The following NSL1 variants were observed in gnomAD, a reference collection of about 807,000 sequenced individuals.
NSL1 encodes the protein NSL1 component of MIS12 kinetochore complex, also known as kinetochore-associated protein NSL1 homolog.
Under a neutral mutation model 25.4 loss-of-function variants are expected in NSL1, and 11 were observed. That is an observed-to-expected ratio of 0.43 (90% CI 0.27 to 0.72). The LOEUF (loss-of-function observed/expected upper bound fraction) is 0.72, where lower values mean the gene tolerates loss of function less well. Ranked by LOEUF, NSL1 falls within the 30% of genes least tolerant of loss-of-function variation. NSL1 has a pLI of 0.19. For synonymous variants in NSL1, 118 were observed against 120.6 expected (o/e 0.98, Z 0.14); for missense variants, 330 against 342.7 (o/e 0.96, Z 0.29).
rs146188335 is a variant in NSL1 at position 212,746,874 on chromosome 1, G to A, written c.500-7273C>T. On this transcript the variant is annotated intron_variant, in intron 4 of 5. Transcript: ENST00000366977. ...CAAGATGGCCCCTGTGGCCAGGTGC[G>A]GTGGCCCAGGCCTGTAATCCCAACA... Among the ~76,000 whole-genome samples the A allele has an allele frequency of 1.3e-3, 194 of 152,196 alleles. No homozygotes were observed. In the Middle Eastern group the frequency reaches 0.014, roughly 11 times the overall value.
intron 4 of NSL1, among the ~76,000 whole-genome samples, chr1:212,778,803 C>A (rs1404534160): frequency 6.6e-6 from 1 of 152,110 alleles, no homozygotes; most frequent in African/African-American, 2.4e-5. Flanking sequence ...GAGATTGCAG[C>A]CTCTGCCCGG....
At chr1:212,761,458 G>A (rs994640600) in intron 4 of NSL1, among the ~76,000 whole-genome samples, 2 of 152,060 alleles carry the variant, frequency 1.3e-5, no homozygotes, top group Admixed American at 6.6e-5. Flanking sequence ...TTAGCAACAC[G>A]GCAAAACCTT....
chr1:212,750,894 T>C (rs748320455), intron 4 of NSL1, among the ~76,000 whole-genome samples: 3 of 152,040 alleles, frequency 2.0e-5, no homozygotes, highest in Non-Finnish European at 4.4e-5. Context: ...TGAGCCGAGA[T>C]AGCGCCACTG....
At chr1:212,779,161 C>A (rs1660542997) in intron 4 of NSL1, among the ~76,000 whole-genome samples, 1 of 151,786 alleles carries the variant, frequency 6.6e-6, no homozygotes, top group African/African-American at 2.4e-5. Context: ...AGCCCCTCCG[C>A]CCGGCAACCA....
chr1:212,769,796 T>C (rs1351735494), intron 4 of NSL1, among the ~76,000 whole-genome samples: 3 of 152,004 alleles, frequency 2.0e-5, no homozygotes, highest in Admixed American at 2.0e-4. Flanking sequence ...ACAAAGGATA[T>C]ATAAAACAAC....
intron 4 of NSL1, among the ~76,000 whole-genome samples, chr1:212,765,702 A>C (rs1309578955): frequency 6.6e-6 from 1 of 152,096 alleles, no homozygotes; most frequent in East Asian, 1.9e-4. Context: ...GCTACTCAGA[A>C]GGCTGAGGCA....
At chr1:212,747,905 C>T (rs1658882207) in intron 4 of NSL1, among the ~76,000 whole-genome samples, 3 of 152,138 alleles carry the variant, frequency 2.0e-5, no homozygotes, top group African/African-American at 7.2e-5. Flanking sequence ...GCTGGGACTA[C>T]AGGCATGTGC....
chr1:212,745,789 C>T (rs1187899187), intron 4 of NSL1, among the ~76,000 whole-genome samples: 1 of 149,900 alleles, frequency 6.7e-6, no homozygotes, highest in Admixed American at 6.6e-5. Context: ...ATGGCGAAAC[C>T]CCATGCCTAC....
chr1:212,731,203 G>A lies in NSL1; in HGVS notation c.*7205C>T, dbSNP rs1228388971. ...AGAGGGGAGAAAAAAAAAAAAACCT[G>A]AAGAAACCAAAACTAGAATTATCAG... On this transcript the variant is annotated 3_prime_UTR_variant, in exon 6 of 6. Coordinates refer to ENST00000366977, the MANE Select transcript of NSL1 (RefSeq NM_015471.4). The A allele has an allele frequency of 5.1e-6, 5 of 975,428 alleles. No individual in the cohort carries two copies. Among genetic ancestry groups the A allele is most frequent in the Non-Finnish European group, 6.1e-6 (5 of 823,116 alleles). 60.4% of individuals were successfully genotyped at this position (975,428 alleles called of 1,614,324 possible).
rs140675222 is a variant in NSL1, at chr1:212,733,433, C to CAAAAAAAAA, written c.*4966_*4974dup. Among the ~76,000 whole-genome samples, 5 of 135,900 alleles carry CAAAAAAAAA rather than the reference C, an allele frequency of 3.7e-5. No individual in the cohort carries two copies. Among genetic ancestry groups the CAAAAAAAAA allele is most frequent in the African/African-American group, 1.3e-4 (5 of 37,216 alleles). The allele number at this position is 135,900 out of a possible 152,430, so 89.2% of individuals were successfully genotyped here. On this transcript the variant is annotated 3_prime_UTR_variant, in exon 6 of 6. Coordinates refer to ENST00000366977, the MANE Select transcript of NSL1 (RefSeq NM_015471.4). ...GGCAACACAGCAAGACCTTGTTTCA[C>CAAAAAAAAA]AAAAAAAAAAAAAAAAAAATCCCAT...
intron 4 of NSL1, among the ~76,000 whole-genome samples, chr1:212,779,475 T>G (rs1571914919): frequency 9.3e-6 from 1 of 107,146 alleles, no homozygotes; most frequent in South Asian, 3.5e-4. Context: ...GGAGCCCCTC[T>G]GCACGGCCAG....
intron 4 of NSL1, among the ~76,000 whole-genome samples, chr1:212,778,119 A>C (rs1040102055): frequency 1.5e-4 from 23 of 152,208 alleles, no homozygotes; most frequent in African/African-American, 5.5e-4. Flanking sequence ...AGAAGAAGGA[A>C]TCAAGGTTAA....
At position 212,735,588 on chromosome 1, in the gene NSL1, G is replaced by GT; in HGVS notation, c.*2819dup. 1 of 940,328 alleles carries GT rather than the reference G, an allele frequency of 1.1e-6. No homozygotes were observed. The highest frequency in any genetic ancestry group is 1.3e-6 in the Non-Finnish European group (1 of 788,852). The allele number at this position is 940,328 out of a possible 1,614,324, so 58.2% of individuals were successfully genotyped here. On this transcript the variant is annotated 3_prime_UTR_variant, in exon 6 of 6. Coordinates refer to ENST00000366977, the MANE Select transcript of NSL1 (RefSeq NM_015471.4). ...CAATGTTTGTGTCCCCCTAAAATCT[G>GT]TATGATGAAGCCTTAACTCCCATGT...
chr1:212,759,632 G>A (rs1659466852), intron 4 of NSL1, among the ~76,000 whole-genome samples: 1 of 152,006 alleles, frequency 6.6e-6, no homozygotes, highest in South Asian at 2.1e-4. Context: ...GCACCATTTT[G>A]AGAATTCAAC....
In NSL1 at chr1:212,736,431, A is replaced by G; in HGVS notation, c.*1977T>C. The G allele has an allele frequency of 2.0e-6, 2 of 985,258 alleles. No homozygotes were observed. Among genetic ancestry groups the G allele is most frequent in the South Asian group, 9.4e-5 (2 of 21,282 alleles). The allele number at this position is 985,258 out of a possible 1,614,324, so 61.0% of individuals were successfully genotyped here. A position where few individuals can be genotyped will look rare whatever the true frequency, so the allele number is the denominator to read the frequency against. On this transcript the variant is annotated 3_prime_UTR_variant, in exon 6 of 6. Transcript: ENST00000366977. Reference sequence around the variant, plus strand: ...TTTCCTTCAACCTTTCCAATTCCTTAAAACTACAGACTTTCTTGCTTTTAA... The same window carrying G: ...TTTCCTTCAACCTTTCCAATTCCTTGAAACTACAGACTTTCTTGCTTTTAA...
chr1:212,764,365 T>C (rs1361226279), intron 4 of NSL1, among the ~76,000 whole-genome samples: 3 of 151,678 alleles, frequency 2.0e-5, no homozygotes, highest in East Asian at 3.9e-4. Context: ...CACAAAGAAA[T>C]AGAGAAACAA....
Position 212,760,045 on chromosome 1 carries a change from TCAAGACAACAGACCAC to T in NSL1, c.500-20460_500-20445del, listed in dbSNP as rs1022487557. ...CTGTCATGGTGGGTGTGTGAGCACA[TCAAGACAACAGACCAC>T]CAAGACAACAGACCATCGCCAGTGC... On this transcript the variant is annotated intron_variant, in intron 4 of 5. Coordinates refer to ENST00000366977, the MANE Select transcript of NSL1 (RefSeq NM_015471.4). This position sits in a 1 kb window ranked among gnomAD's most constrained non-coding sequence, Gnocchi z 4.3. Among the ~76,000 whole-genome samples the T allele has an allele frequency of 7.3e-5, 11 of 151,230 alleles. No homozygotes were observed. The highest frequency in any genetic ancestry group is 2.4e-4 in the African/African-American group (10 of 41,164).
chr1:212,759,544 G>C (rs1169572728), intron 4 of NSL1, among the ~76,000 whole-genome samples: 1 of 152,120 alleles, frequency 6.6e-6, no homozygotes, highest in Non-Finnish European at 1.5e-5. Flanking sequence ...GAGCTGTCTG[G>C]AGTCCATACA....
chr1:212,744,240 A>C (rs761266595), intron 4 of NSL1, among the ~76,000 whole-genome samples: 20 of 152,232 alleles, frequency 1.3e-4, no homozygotes, highest in Non-Finnish European at 2.5e-4. Flanking sequence ...CAGGCATTTA[A>C]GGAAATCTCT....
Sources: gnomAD v4.1 joint callset for allele counts (sites outside exome capture counted in the v4.1 genomes callset) on GRCh38, gnomAD v4.1.1 for gene constraint, Gnocchi (gnomAD v3.1) non-coding constraint, MANE v1.5 for transcripts, NCBI Gene and HGNC (gene_info 2026-07-23, HGNC 2026-07-21) for gene names.